Variants in IL1RAP observed in about 807,000 individuals in gnomAD.
The protein encoded by IL1RAP is interleukin 1 receptor accessory protein.
IL1RAP carries 35 observed loss-of-function variants against 60.7 expected under a neutral mutation model. The ratio of observed to expected loss-of-function variants is 0.58; its 90% CI spans 0.44 to 0.76. IL1RAP has a LOEUF of 0.76. Among genes scored for constraint, IL1RAP ranks in the 30% least tolerant of loss-of-function variants. The probability of loss-of-function intolerance (pLI) is 0.00; values close to 1 mark genes in which losing one functional copy is unlikely to be tolerated. For synonymous variants in IL1RAP, 268 were observed against 250.9 expected (o/e 1.07, Z -0.64); for missense variants, 572 against 693.9 (o/e 0.82, Z 1.97).
intron 3 of IL1RAP, among the ~76,000 whole-genome samples, chr3:190,573,052 ACGGGGTTTC>A: frequency 3.7e-5 from 3 of 82,114 alleles, no homozygotes; most frequent in Non-Finnish European, 8.4e-5. Context: ...TTTAGTAGAG[ACGGGGTTTC>A]ACCGTTTTAG....
chr3:190,552,875 T>C (rs547212907), intron 1 of IL1RAP, among the ~76,000 whole-genome samples: 4 of 152,334 alleles, frequency 2.6e-5, no homozygotes, highest in African/African-American at 9.6e-5. Context: ...CTTTTAAATA[T>C]AACTATAACT....
At chr3:190,607,665 C>A (rs554115541) in intron 4 of IL1RAP, among the ~76,000 whole-genome samples, 2 of 152,266 alleles carry the variant, frequency 1.3e-5, no homozygotes, top group South Asian at 4.1e-4. Context: ...GCAGACGGAA[C>A]AACGTGTGTG....
In IL1RAP at chr3:190,541,907, G is replaced by T. The variant is rs949911386; in HGVS notation, c.-88-14223G>T. 2.0e-5 allele frequency among the ~76,000 whole-genome samples: 3 copies of T among 152,234 alleles called. No individual in the cohort carries two copies. The East Asian group carries it at 5.8e-4, about 29-fold the overall frequency. ...AATTGTGTTTGCCCAGGATTTTAAA[G>T]ATAAAGATGTTTTCTTGGGAAACTG... On this transcript the variant is annotated intron_variant, in intron 1 of 11. Coordinates refer to ENST00000447382, the MANE Select transcript of IL1RAP (RefSeq NM_002182.4).
chr3:190,644,460 A>G, intron 10 of IL1RAP, 63 bp downstream of exon 10: 1 of 1,218,226 alleles, frequency 8.2e-7, no homozygotes, highest in Non-Finnish European at 1.2e-6. Context: ...ATGTTGTAAA[A>G]AAAAGAAAAA....
At position 190,649,137 on chromosome 3, in the gene IL1RAP, C is replaced by T. The variant is rs79383051; in HGVS notation, c.*432C>T. ...TCTTTTTATCTTATTTTTACTCGTC[C>T]GTTGAAAAGATAATCAAGGCCTACA... On this transcript the variant is annotated 3_prime_UTR_variant, in exon 12 of 12. Coordinates refer to ENST00000447382, the MANE Select transcript of IL1RAP (RefSeq NM_002182.4). The T allele has an allele frequency of 0.043, 42,462 of 986,698 alleles. 1,043 individuals carry two copies. Among genetic ancestry groups the T allele is most frequent in the Non-Finnish European group, 0.048 (40,128 of 830,836 alleles). 61.1% of individuals were successfully genotyped at this position (986,698 alleles called of 1,614,324 possible). A position where few individuals can be genotyped will look rare whatever the true frequency, so the allele number is the denominator to read the frequency against.
At chr3:190,634,260 G>A (rs1477440740) in intron 9 of IL1RAP, among the ~76,000 whole-genome samples, 1 of 148,666 alleles carries the variant, frequency 6.7e-6, no homozygotes, top group Non-Finnish European at 1.5e-5. Flanking sequence ...CTAATATTTT[G>A]TCACAGATTT....
chr3:190,616,995 A>G (rs1202857876), intron 5 of IL1RAP, among the ~76,000 whole-genome samples: 1 of 152,208 alleles, frequency 6.6e-6, no homozygotes, highest in African/African-American at 2.4e-5. Flanking sequence ...TCAGGGAAAA[A>G]AATTAAGACA....
intron 1 of IL1RAP, among the ~76,000 whole-genome samples, chr3:190,536,693 A>G (rs1323393664): frequency 6.6e-6 from 1 of 152,222 alleles, no homozygotes; most frequent in Non-Finnish European, 1.5e-5. Context: ...ATGATGTATA[A>G]TAGATCATAA....
At chr3:190,636,542 TA>T (rs1733240922) in intron 9 of IL1RAP, among the ~76,000 whole-genome samples, 2 of 151,998 alleles carry the variant, frequency 1.3e-5, no homozygotes, top group Admixed American at 6.6e-5. Context: ...TTTAATTAAT[TA>T]ATTTTTTTTT....
chr3:190,627,516 T>C, intron 8 of IL1RAP, 67 bp downstream of exon 8: 1 of 1,485,760 alleles, frequency 6.7e-7, no homozygotes, highest in South Asian at 1.4e-5. Flanking sequence ...CTGATGTGTG[T>C]TCTAGTCAAT....
intron 1 of IL1RAP, among the ~76,000 whole-genome samples, chr3:190,543,921 A>T (rs930330435): frequency 1.3e-5 from 2 of 152,168 alleles, no homozygotes; most frequent in African/African-American, 4.8e-5. Context: ...ATGGCACCCA[A>T]CCCTTACCTG....
intron 1 of IL1RAP, among the ~76,000 whole-genome samples, chr3:190,516,718 A>C (rs1161838761): frequency 7.5e-6 from 1 of 133,046 alleles, no homozygotes. Flanking sequence ...TGTTTTATCC[A>C]GTTCTAAAAT....
At chr3:190,579,795 G>A (rs1159526512) in intron 3 of IL1RAP, among the ~76,000 whole-genome samples, 1 of 152,062 alleles carries the variant, frequency 6.6e-6, no homozygotes, top group African/African-American at 2.4e-5. Context: ...CTATAGATTT[G>A]CCTATTCCGG....
intron 3 of IL1RAP, among the ~76,000 whole-genome samples, chr3:190,566,611 C>T (rs556301206): frequency 6.6e-6 from 1 of 152,300 alleles, no homozygotes; most frequent in South Asian, 2.1e-4. Flanking sequence ...AGCCACATTG[C>T]GTCACCGTGG....
In IL1RAP at chr3:190,649,904, A is replaced by T. The variant is rs1335862116; in HGVS notation, c.*1199A>T. 1.0e-6 allele frequency: 1 copy of T among 973,238 alleles called. No homozygotes were observed. Among genetic ancestry groups the T allele is most frequent in the Non-Finnish European group, 1.2e-6 (1 of 819,060 alleles). The allele number at this position is 973,238 out of a possible 1,614,324, so 60.3% of individuals were successfully genotyped here. ...GGAAAACTAAGTGCAGAGTTTACAG[A>T]GTGGTAAATATCTATGTTACATGTA... On this transcript the variant is annotated 3_prime_UTR_variant, in exon 12 of 12. Coordinates refer to ENST00000447382, the MANE Select transcript of IL1RAP (RefSeq NM_002182.4).
intron 3 of IL1RAP, among the ~76,000 whole-genome samples, chr3:190,572,132 A>C (rs1726982949): frequency 6.6e-6 from 1 of 152,162 alleles, no homozygotes; most frequent in South Asian, 2.1e-4. Context: ...AAATTGATGC[A>C]CCTGAGTTAA....
intron 3 of IL1RAP, among the ~76,000 whole-genome samples, chr3:190,577,326 G>A (rs1382692670): frequency 6.6e-6 from 1 of 152,158 alleles, no homozygotes; most frequent in Non-Finnish European, 1.5e-5. Context: ...GAGCTAGGTG[G>A]TATGGGCTTG....
At chr3:190,588,216 C>A (rs1036375637) in intron 3 of IL1RAP, among the ~76,000 whole-genome samples, 1 of 152,186 alleles carries the variant, frequency 6.6e-6, no homozygotes, top group Non-Finnish European at 1.5e-5. Flanking sequence ...TGGGTTCAAG[C>A]GATTCTCCTG....
At chr3:190,571,347 A>C (rs998954552) in intron 3 of IL1RAP, among the ~76,000 whole-genome samples, 13 of 151,762 alleles carry the variant, frequency 8.6e-5, no homozygotes, top group African/African-American at 3.2e-4. Context: ...CCCTGACTCC[A>C]CAAAAAAAAA....
Sources: allele counts gnomAD v4.1 joint callset (sites outside exome capture counted in the v4.1 genomes callset), GRCh38; gene constraint gnomAD v4.1.1; transcripts MANE v1.5; gene names NCBI Gene and HGNC (gene_info 2026-07-23, HGNC 2026-07-21).